TSNARE1: variants seen among roughly 807,000 people sequenced by gnomAD.
TSNARE1 encodes the protein t-SNARE domain-containing protein 1.
In TSNARE1, 49 loss-of-function variants were observed where a neutral mutation model predicts 62.0. The observed-to-expected ratio is 0.79, with a 90% CI of 0.63 to 1.00. The LOEUF (loss-of-function observed/expected upper bound fraction) is 1.00, where lower values mean the gene tolerates loss of function less well. Among genes scored for constraint, TSNARE1 ranks in the 50% least tolerant of loss-of-function variants. The pLI is 0.00. For missense variants in TSNARE1, 755 were observed against 700.1 expected, an observed-to-expected ratio of 1.08 and a Z score of -0.88; for synonymous variants, 328 against 294.4, an observed-to-expected ratio of 1.11 and a Z score of -1.17.
At chr8:142,362,563 G>A (rs956445268) in intron 1 of TSNARE1, among the ~76,000 whole-genome samples, 1 of 152,140 alleles carries the variant, frequency 6.6e-6, no homozygotes, top group Non-Finnish European at 1.5e-5. Flanking sequence ...GCCTCCGGTG[G>A]AAGAGCATAC....
At position 142,222,811 on chromosome 8, in the gene TSNARE1, T is replaced by C. The variant is rs144470335; in HGVS notation, c.*11+6662A>G. Among the ~76,000 whole-genome samples, 114 of 89,776 alleles carry C rather than the reference T, an allele frequency of 1.3e-3. 1 individual carries two copies. Among genetic ancestry groups the C allele is most frequent in the African/African-American group, 2.9e-3 (55 of 18,962 alleles). The allele number at this position is 89,776 out of a possible 152,430, so 58.9% of individuals were successfully genotyped here. The stretch of plus-strand genomic sequence containing the variant: ...ACTCACTCATCCACTCACTCACTCA[T>C]TCACTCACTCACTCACTCATTCACT... On this transcript the variant is annotated intron_variant, in intron 13 of 13. Transcript: ENST00000524325.
intron 1 of TSNARE1, among the ~76,000 whole-genome samples, chr8:142,375,340 C>G (rs1298297400): frequency 6.6e-6 from 1 of 152,194 alleles, no homozygotes; most frequent in Non-Finnish European, 1.5e-5. Context: ...GAGCGGTGCC[C>G]CGGGGGAGGG....
chr8:142,297,029 G>C (rs2131232369), intron 10 of TSNARE1, among the ~76,000 whole-genome samples: 1 of 152,318 alleles, frequency 6.6e-6, no homozygotes, highest in South Asian at 2.1e-4. Context: ...GTCCCAGCTG[G>C]CAAGTCCCTG....
chr8:142,313,032 ATG>A (rs1346774181), intron 9 of TSNARE1, among the ~76,000 whole-genome samples: 1 of 151,890 alleles, frequency 6.6e-6, no homozygotes, highest in Non-Finnish European at 1.5e-5. Context: ...GTCTATCTGC[ATG>A]TGTCTACATG....
At chr8:142,212,642 C>T (rs563100207) in intron 13 of TSNARE1, among the ~76,000 whole-genome samples, 3 of 152,158 alleles carry the variant, frequency 2.0e-5, no homozygotes, top group African/African-American at 2.4e-5. Context: ...AGAGCCTTCC[C>T]GAGTCCACCG....
intron 12 of TSNARE1, among the ~76,000 whole-genome samples, chr8:142,255,862 A>C (rs1818464870): frequency 9.7e-6 from 1 of 102,834 alleles, no homozygotes; most frequent in Non-Finnish European, 2.2e-5. Flanking sequence ...CACCATCACC[A>C]TCACCACCAT....
At chr8:142,239,349 T>G (rs889511446) in intron 12 of TSNARE1, among the ~76,000 whole-genome samples, 1 of 152,124 alleles carries the variant, frequency 6.6e-6, no homozygotes, top group Non-Finnish European at 1.5e-5. Context: ...AAGACAGGCC[T>G]GGAGAGTGTG....
rs1268568960 is a variant in TSNARE1, at chr8:142,350,030, G to T, written c.89-4138C>A. ...GGCAAGGCTGGGACCAGGGCAGGCAGGGCGGGCAGGGCTGGGACCAGGGCA... is the reference window on the plus strand; with the variant it reads ...GGCAAGGCTGGGACCAGGGCAGGCATGGCGGGCAGGGCTGGGACCAGGGCA... On this transcript the variant is annotated intron_variant, in intron 2 of 13. Transcript: ENST00000524325. 2.0e-5 allele frequency among the ~76,000 whole-genome samples: 3 copies of T among 147,336 alleles called. No individual in the cohort carries two copies. In the East Asian group the frequency reaches 6.0e-4, roughly 30 times the overall value.
At chr8:142,218,157 G>A (rs866322562) in intron 13 of TSNARE1, among the ~76,000 whole-genome samples, 73 of 105,196 alleles carry the variant, frequency 6.9e-4, no homozygotes, top group Middle Eastern at 5.2e-3. Flanking sequence ...TCAGTGTGTG[G>A]CCAGGGTCAG....
intron 13 of TSNARE1, among the ~76,000 whole-genome samples, chr8:142,226,047 T>A (rs1816753945): frequency 6.6e-6 from 1 of 152,192 alleles, no homozygotes; most frequent in Admixed American, 6.5e-5. Flanking sequence ...ACACCAGCTG[T>A]CTGATTTAGG....
At chr8:142,332,128 A>T (rs1831142495) in intron 4 of TSNARE1, among the ~76,000 whole-genome samples, 1 of 152,232 alleles carries the variant, frequency 6.6e-6, no homozygotes, top group Non-Finnish European at 1.5e-5. Flanking sequence ...GTGTGCCCGG[A>T]AGCTACGAGC....
chr8:142,344,079 G>A lies in TSNARE1; in HGVS notation c.632C>T (p.Pro211Leu). 1 of 1,607,536 alleles carries A rather than the reference G, an allele frequency of 6.2e-7. No homozygotes were observed. The highest frequency in any genetic ancestry group is 8.5e-7 in the Non-Finnish European group (1 of 1,176,192). Residue 211 changes from proline (P) to leucine (L), a missense_variant, in exon 4 of 14, where the codon CCT becomes CTT. Coordinates refer to ENST00000524325, the MANE Select transcript of TSNARE1 (RefSeq NM_145003.5). ...DLRKAAHGPS[P>L]GSGKPQALAL... ...CAGGGCCTGGGGCTTGCCGGAACCA[G>A]GGCTGGGGCCATGGGCCGCCTTCCG...
At chr8:142,318,227 G>A (rs924769229) in intron 7 of TSNARE1, among the ~76,000 whole-genome samples, 9 of 152,158 alleles carry the variant, frequency 5.9e-5, no homozygotes, top group African/African-American at 1.2e-4. Context: ...AAACAATGGC[G>A]GGCCATCAGC....
intron 10 of TSNARE1, among the ~76,000 whole-genome samples, chr8:142,296,586 C>T (rs2131221966): frequency 6.6e-6 from 1 of 152,058 alleles, no homozygotes; most frequent in East Asian, 1.9e-4. Context: ...ATGGGGCTGA[C>T]CCCAGGCAAG....
chr8:142,364,663 A>G (rs1256870922), intron 1 of TSNARE1, among the ~76,000 whole-genome samples: 1 of 152,246 alleles, frequency 6.6e-6, no homozygotes, highest in Non-Finnish European at 1.5e-5. Flanking sequence ...GCTGTTATGC[A>G]AAAGAGTACG....
intron 1 of TSNARE1, among the ~76,000 whole-genome samples, chr8:142,382,866 G>A (rs1836867109): frequency 6.6e-6 from 1 of 152,230 alleles, no homozygotes; most frequent in Non-Finnish European, 1.5e-5. Flanking sequence ...ATCAACCACG[G>A]AGTGGGCCCG....
At position 142,222,500 on chromosome 8, in the gene TSNARE1, TCATC is replaced by T. The variant is rs1475924112; in HGVS notation, c.*11+6969_*11+6972del. 9.6e-3 allele frequency among the ~76,000 whole-genome samples: 397 copies of T among 41,354 alleles called. 2 individuals are homozygous for T. The highest frequency in any genetic ancestry group is 0.016 in the South Asian group (21 of 1,326). The allele number at this position is 41,354 out of a possible 152,430, so 27.1% of individuals were successfully genotyped here. On this transcript the variant is annotated intron_variant, in intron 13 of 13. Transcript: ENST00000524325. ...CTCACTCACTCACTCATCCACTCACTCATCCACTCACTCACTCACTCATCCACTC... is the reference window on the plus strand; with the variant it reads ...CTCACTCACTCACTCATCCACTCACTCACTCACTCACTCACTCATCCACTC...
intron 1 of TSNARE1, among the ~76,000 whole-genome samples, chr8:142,390,953 T>C (rs1288071889): frequency 2.1e-4 from 25 of 118,038 alleles, no homozygotes; most frequent in Non-Finnish European, 2.7e-4. Context: ...CAGGGGACTC[T>C]ATAGCAGACG....
At chr8:142,278,212 GTT>G (rs1820814042) in intron 11 of TSNARE1, 1 of 985,278 alleles carries the variant, frequency 1.0e-6, no homozygotes, top group African/African-American at 1.7e-5. Flanking sequence ...CAGCCACAGG[GTT>G]GGCTGGGTCT....
Sources: allele counts gnomAD v4.1 joint callset (sites outside exome capture counted in the v4.1 genomes callset), GRCh38; gene constraint gnomAD v4.1.1; transcripts MANE v1.5; gene names NCBI Gene and HGNC (gene_info 2026-07-23, HGNC 2026-07-21).